Variants in GABRA3 observed in about 807,000 individuals in gnomAD.
GABRA3 encodes the protein gamma-aminobutyric acid type A receptor subunit alpha3, also known as gamma-aminobutyric acid receptor subunit alpha-3.
In GABRA3, 10 loss-of-function variants were observed where a neutral mutation model predicts 30.1. The observed-to-expected ratio is 0.33, with a 90% CI of 0.20 to 0.56. The LOEUF (loss-of-function observed/expected upper bound fraction) is 0.56, where lower values mean the gene tolerates loss of function less well. Ranked by LOEUF, GABRA3 falls within the 20% of genes least tolerant of loss-of-function variation. The probability of loss-of-function intolerance (pLI) is 0.89; values close to 1 mark genes in which losing one functional copy is unlikely to be tolerated. For missense variants in GABRA3, 233 were observed against 392.0 expected (o/e 0.59, Z 3.42); for synonymous variants, 151 against 146.8 (o/e 1.03, Z -0.21).
At chrX:152,431,228 A>G (rs1228405726) in intron 1 of GABRA3, among the ~76,000 whole-genome samples, 2 of 112,116 alleles carry the variant, frequency 1.8e-5, no homozygotes, top group Non-Finnish European at 3.8e-5. Flanking sequence ...AAATCTAAGG[A>G]TAGTGATGGA....
intron 1 of GABRA3, among the ~76,000 whole-genome samples, chrX:152,386,548 G>T (rs894799320): frequency 1.2e-4 from 13 of 109,660 alleles, no homozygotes; most frequent in African/African-American, 3.6e-4. Context: ...ATGAAAAAAT[G>T]CTCACCATCA....
intron 5 of GABRA3, among the ~76,000 whole-genome samples, chrX:152,232,909 T>A (rs1938113239): frequency 9.0e-6 from 1 of 110,951 alleles, no homozygotes; most frequent in African/African-American, 3.3e-5. Context: ...TCCATAGAGG[T>A]TATGCTAATT....
intron 3 of GABRA3, among the ~76,000 whole-genome samples, chrX:152,321,803 G>T (rs1276948576): frequency 1.8e-5 from 2 of 110,763 alleles, no homozygotes; most frequent in Non-Finnish European, 3.8e-5. Flanking sequence ...AAATATTGGG[G>T]TTATACAAAG....
At chrX:152,376,825 G>A (rs1929010896) in intron 1 of GABRA3, among the ~76,000 whole-genome samples, 2 of 111,187 alleles carry the variant, frequency 1.8e-5, no homozygotes, top group Non-Finnish European at 3.8e-5. Flanking sequence ...CAATATTTTT[G>A]TGGGTTTCTA....
intron 1 of GABRA3, among the ~76,000 whole-genome samples, chrX:152,395,719 G>T (rs1040836005): frequency 9.0e-6 from 1 of 111,725 alleles, no homozygotes; most frequent in African/African-American, 3.3e-5. Context: ...CAAAATACAG[G>T]AACAGTTGGA....
chrX:152,345,552 A>G, intron 3 of GABRA3, 29 bp downstream of exon 3: 1 of 1,186,092 alleles, frequency 8.4e-7, no homozygotes, highest in Non-Finnish European at 1.1e-6. Context: ...AGATCTGAAA[A>G]GGACTTCAAA....
Position 152,400,055 on chromosome X carries a change from A to G in GABRA3, c.-26-35459T>C, listed in dbSNP as rs1398739420. Among the ~76,000 whole-genome samples the G allele has an allele frequency of 2.7e-5, 3 of 111,903 alleles. No homozygotes were observed. The East Asian group carries it at 8.4e-4, about 31-fold the overall frequency. ...AAAATATGAGGCAGAGAAACTGGGG[A>G]AAGGGGTTCTCTCTTTTTGAGCAAA... On this transcript the variant is annotated intron_variant, in intron 1 of 9. Transcript: ENST00000370314.
chrX:152,169,592 G>T (rs746758926), intron 9 of GABRA3, among the ~76,000 whole-genome samples: 17 of 111,799 alleles, frequency 1.5e-4, no homozygotes, highest in Non-Finnish European at 2.1e-4. Context: ...GAACAGGAGA[G>T]GCCAGGGAAG....
intron 5 of GABRA3, among the ~76,000 whole-genome samples, chrX:152,225,436 A>G (rs1307369235): frequency 7.0e-4 from 72 of 102,910 alleles, no homozygotes; most frequent in South Asian, 8.6e-4. Context: ...ACACACGCAC[A>G]CACACACACA....
intron 3 of GABRA3, among the ~76,000 whole-genome samples, chrX:152,319,007 TAA>T (rs1603240622): frequency 9.0e-6 from 1 of 111,429 alleles, no homozygotes; most frequent in Admixed American, 9.6e-5. Context: ...AAGAATGGAA[TAA>T]AGAGCATCAA....
chrX:152,271,235 T>C (rs1411973474), intron 4 of GABRA3, among the ~76,000 whole-genome samples: 1 of 111,117 alleles, frequency 9.0e-6, no homozygotes, highest in Non-Finnish European at 1.9e-5. Flanking sequence ...AGTGCTGGGA[T>C]TACAGGCATG....
At chrX:152,333,875 T>C (rs1439051657) in intron 3 of GABRA3, among the ~76,000 whole-genome samples, 1 of 111,794 alleles carries the variant, frequency 8.9e-6, no homozygotes, top group Non-Finnish European at 1.9e-5. Context: ...CCTGAGTAGA[T>C]TTTTTTCTCA....
intron 7 of GABRA3, among the ~76,000 whole-genome samples, chrX:152,199,619 C>G (rs773178382): frequency 9.0e-6 from 1 of 111,093 alleles, no homozygotes; most frequent in Non-Finnish European, 1.9e-5. Context: ...AGATTCTCTA[C>G]TCAACTCTAA....
At position 152,283,536 on chromosome X, in the gene GABRA3, C is replaced by T. The variant is rs940923719; in HGVS notation, c.330+1132G>A. ...TGATTGAAGAGTCATGTAAAATCAACGGGCCTAAATCAACTCTCAGGCTCC... is the reference window on the plus strand; with the variant it reads ...TGATTGAAGAGTCATGTAAAATCAATGGGCCTAAATCAACTCTCAGGCTCC... On this transcript the variant is annotated intron_variant, in intron 4 of 9. Transcript: ENST00000370314. Among the ~76,000 whole-genome samples, 6 of 111,986 alleles carry T rather than the reference C, an allele frequency of 5.4e-5. No homozygotes were observed. The Middle Eastern group carries it at 0.014, about 257-fold the overall frequency.
At chrX:152,199,515 T>G (rs1310644373) in intron 7 of GABRA3, among the ~76,000 whole-genome samples, 7 of 110,858 alleles carry the variant, frequency 6.3e-5, no homozygotes, top group Non-Finnish European at 1.3e-4. Context: ...AGAACTAACC[T>G]TCTTGATGCT....
chrX:152,328,443 A>C (rs1940103997), intron 3 of GABRA3, among the ~76,000 whole-genome samples: 1 of 111,797 alleles, frequency 8.9e-6, no homozygotes, highest in African/African-American at 3.3e-5. Flanking sequence ...CGATGCAAAA[A>C]TCCTCAATAA....
rs111330460 is a variant in GABRA3 at position 152,303,966 on chromosome X, T to C, written c.263-19231A>G. Among the ~76,000 whole-genome samples, 898 of 112,032 alleles carry C rather than the reference T, an allele frequency of 8.0e-3. 11 individuals carry two copies. Among genetic ancestry groups the C allele is most frequent in the African/African-American group, 0.028 (861 of 30,817 alleles). On this transcript the variant is annotated intron_variant, in intron 3 of 9. Coordinates refer to ENST00000370314, the MANE Select transcript of GABRA3 (RefSeq NM_000808.4). ...ATGTTCTGCACATGTATCCCAGAAC[T>C]TAAAGTAAAATATATATTAAAAAAT...
chrX:152,194,103 T>C (rs1337337880), intron 8 of GABRA3, among the ~76,000 whole-genome samples: 2 of 112,618 alleles, frequency 1.8e-5, no homozygotes, highest in African/African-American at 6.4e-5. Context: ...TCAACAGATA[T>C]ATATTACATT....
rs761021039 is a variant in GABRA3 at position 152,207,961 on chromosome X, A to G, written c.778+40T>C. ...TAGAACAGTGACTGGCATGTGGTAT[A>G]GGTTACAGAAATGTTTGTTAAATAA... is the stretch of plus-strand genomic sequence containing the variant. On this transcript the variant is annotated intron_variant, in intron 7 of 9. Coordinates refer to ENST00000370314, the MANE Select transcript of GABRA3 (RefSeq NM_000808.4). The G allele has an allele frequency of 4.4e-6, 5 of 1,145,960 alleles. No individual in the cohort carries two copies. The East Asian group carries it at 1.2e-4, about 27-fold the overall frequency. 94.4% of individuals were successfully genotyped at this position (1,145,960 alleles called of 1,213,427 possible).
Sources: allele counts gnomAD v4.1 joint callset (sites outside exome capture counted in the v4.1 genomes callset), GRCh38; gene constraint gnomAD v4.1.1; transcripts MANE v1.5; gene names NCBI Gene and HGNC (gene_info 2026-07-23, HGNC 2026-07-21).